The following PTPRD variants were observed in gnomAD, a reference collection of about 807,000 sequenced individuals.
The protein encoded by PTPRD is protein tyrosine phosphatase receptor type D, also known as receptor-type tyrosine-protein phosphatase delta.
PTPRD carries 34 observed loss-of-function variants against 214.5 expected under a neutral mutation model. The observed-to-expected ratio is 0.16, with a 90% CI of 0.12 to 0.21. PTPRD has a LOEUF of 0.21. Among genes scored for constraint, PTPRD ranks in the 10% least tolerant of loss-of-function variants. The pLI, the probability that PTPRD is intolerant of heterozygous loss-of-function variation, is 1.00. For synonymous variants in PTPRD, 1,128 were observed against 845.7 expected (o/e 1.33, Z -5.79); for missense variants, 2,545 against 2,398.7 (o/e 1.06, Z -1.27).
At chr9:8,628,693 T>G (rs1376647624) in intron 14 of PTPRD, among the ~76,000 whole-genome samples, 1 of 151,740 alleles carries the variant, frequency 6.6e-6, no homozygotes, top group African/African-American at 2.4e-5. Context: ...GTGACAGAGC[T>G]AAAGCTGGAA....
chr9:9,175,096 T>C (rs2099923834), intron 10 of PTPRD, among the ~76,000 whole-genome samples: 1 of 152,110 alleles, frequency 6.6e-6, no homozygotes, highest in Non-Finnish European at 1.5e-5. Context: ...TTGCCAGCAC[T>C]TTGGTCTTAG....
intron 9 of PTPRD, among the ~76,000 whole-genome samples, chr9:9,252,386 G>A (rs1021156738): frequency 1.1e-4 from 16 of 152,096 alleles, no homozygotes; most frequent in South Asian, 4.1e-4. Context: ...CCTTACCCTC[G>A]TTTATTGTAC....
chr9:8,449,024 GA>G (rs1001630652), intron 34 of PTPRD, among the ~76,000 whole-genome samples: 5 of 152,130 alleles, frequency 3.3e-5, no homozygotes, highest in African/African-American at 1.2e-4. Flanking sequence ...TGCTTTAGTT[GA>G]AAAAGTCAAA....
chr9:9,284,972 GA>G (rs745656457), intron 9 of PTPRD, among the ~76,000 whole-genome samples: 34 of 151,690 alleles, frequency 2.2e-4, no homozygotes, highest in Non-Finnish European at 4.9e-4. Context: ...AGCTAACATA[GA>G]ACAATATCTA....
chr9:9,144,206 T>C (rs2099864775), intron 10 of PTPRD, among the ~76,000 whole-genome samples: 1 of 152,228 alleles, frequency 6.6e-6, no homozygotes, highest in Non-Finnish European at 1.5e-5. Flanking sequence ...ATTTCTGCTC[T>C]GTGACAAAAC....
intron 4 of PTPRD, among the ~76,000 whole-genome samples, chr9:10,024,653 A>T (rs1381213358): frequency 6.6e-6 from 1 of 151,752 alleles, no homozygotes; most frequent in Non-Finnish European, 1.5e-5. Flanking sequence ...ATTATACTTT[A>T]AGTTTTAGGG....
intron 5 of PTPRD, among the ~76,000 whole-genome samples, chr9:9,788,922 T>A (rs2098947000): frequency 6.6e-6 from 1 of 152,208 alleles, no homozygotes; most frequent in Admixed American, 6.5e-5. Flanking sequence ...AACCCTCTGC[T>A]TTAGTTATCG....
intron 11 of PTPRD, chr9:8,857,651 C>T (rs2097954967): frequency 6.4e-6 from 1 of 157,454 alleles, no homozygotes; most frequent in Non-Finnish European, 1.4e-5. Context: ...GTCATGTTGG[C>T]CCCGGGCAGC....
At chr9:8,843,001 C>T (rs184902180) in intron 11 of PTPRD, among the ~76,000 whole-genome samples, 59 of 152,294 alleles carry the variant, frequency 3.9e-4, no homozygotes, top group Non-Finnish European at 2.2e-4. Flanking sequence ...TCCCCATTCA[C>T]TCTCACAGCA....
At chr9:8,920,045 T>C (rs1291608768) in intron 11 of PTPRD, among the ~76,000 whole-genome samples, 1 of 152,076 alleles carries the variant, frequency 6.6e-6, no homozygotes. Flanking sequence ...TATACATATA[T>C]ATTTTAAAAA....
intron 9 of PTPRD, among the ~76,000 whole-genome samples, chr9:9,370,361 C>T (rs2059126488): frequency 6.6e-6 from 1 of 151,846 alleles, no homozygotes; most frequent in Admixed American, 6.6e-5. Flanking sequence ...GTATTTTATT[C>T]TCTTTGAAGC....
chr9:10,602,475 T>C (rs1243249827), intron 2 of PTPRD, among the ~76,000 whole-genome samples: 1 of 151,800 alleles, frequency 6.6e-6, no homozygotes, highest in East Asian at 1.9e-4. Flanking sequence ...CTCCAGGTAA[T>C]CTGAAGATTA....
At chr9:10,093,222 G>C (rs1045017196) in intron 3 of PTPRD, among the ~76,000 whole-genome samples, 1 of 151,250 alleles carries the variant, frequency 6.6e-6, no homozygotes, top group Non-Finnish European at 1.5e-5. Context: ...CTAAAATCTG[G>C]AATCTACAAG....
chr9:9,596,156 TAAAC>T (rs746893750), intron 7 of PTPRD, among the ~76,000 whole-genome samples: 3 of 151,920 alleles, frequency 2.0e-5, no homozygotes, highest in South Asian at 2.1e-4. Flanking sequence ...ATGCTTAAGT[TAAAC>T]AAATAATTTA....
At chr9:8,579,710 A>C (rs2092857127) in intron 14 of PTPRD, among the ~76,000 whole-genome samples, 2 of 152,252 alleles carry the variant, frequency 1.3e-5, no homozygotes, top group Admixed American at 1.3e-4. Context: ...AAGGCTTCAT[A>C]GAGTAAGGTT....
At chr9:8,498,685 T>C (rs895093855) in intron 25 of PTPRD, among the ~76,000 whole-genome samples, 6 of 152,204 alleles carry the variant, frequency 3.9e-5, no homozygotes, top group Admixed American at 1.3e-4. Context: ...CACCAATTTC[T>C]TGGATAATGA....
intron 2 of PTPRD, among the ~76,000 whole-genome samples, chr9:10,572,965 AT>A (rs1567002401): frequency 6.6e-6 from 1 of 152,054 alleles, no homozygotes; most frequent in Non-Finnish European, 1.5e-5. Flanking sequence ...AACAGGATGC[AT>A]CCATTCCAGA....
intron 9 of PTPRD, among the ~76,000 whole-genome samples, chr9:9,370,279 T>C (rs2059101893): frequency 6.6e-6 from 1 of 152,076 alleles, no homozygotes; most frequent in Non-Finnish European, 1.5e-5. Context: ...TGTCCTCTTT[T>C]ATTTCCCTGA....
Position 9,018,703 on chromosome 9 carries a change from T to C in PTPRD, c.-110A>G, listed in dbSNP as rs1006797359. 3 of 152,308 alleles carry C rather than the reference T, an allele frequency of 2.0e-5. No homozygotes were observed. Among genetic ancestry groups the C allele is most frequent in the Non-Finnish European group, 2.9e-5 (2 of 68,030 alleles). 9.4% of individuals were successfully genotyped at this position (152,308 alleles called of 1,614,324 possible). A position where few individuals can be genotyped will look rare whatever the true frequency, so the allele number is the denominator to read the frequency against. ...AGTATGCTTTAAATCTTACTTGTTCTTTAGATCCCACGGGTGTTCACCAGA... is the reference window on the plus strand; with the variant it reads ...AGTATGCTTTAAATCTTACTTGTTCCTTAGATCCCACGGGTGTTCACCAGA... On this transcript the variant is annotated 5_prime_UTR_variant, in exon 11 of 46. Coordinates refer to ENST00000381196, the MANE Select transcript of PTPRD (RefSeq NM_002839.4).
Sources: gnomAD v4.1 joint callset for allele counts (sites outside exome capture counted in the v4.1 genomes callset) on GRCh38, gnomAD v4.1.1 for gene constraint, MANE v1.5 for transcripts, NCBI Gene and HGNC (gene_info 2026-07-23, HGNC 2026-07-21) for gene names.